SCHIP1: variants seen among roughly 807,000 people sequenced by gnomAD.
SCHIP1 encodes the protein schwannomin-interacting protein 1.
Under a neutral mutation model 29.7 loss-of-function variants are expected in SCHIP1, and 8 were observed. The observed-to-expected ratio is 0.27, with a 90% confidence interval of 0.16 to 0.49. The LOEUF (loss-of-function observed/expected upper bound fraction) is 0.49, where lower values mean the gene tolerates loss of function less well. Ranked by LOEUF, SCHIP1 falls within the 20% of genes least tolerant of loss-of-function variation. SCHIP1 has a pLI of 0.99. For synonymous variants in SCHIP1, 76 were observed against 94.9 expected (o/e 0.80, Z 1.16); for missense variants, 193 against 294.6 (o/e 0.66, Z 2.52).
At chr3:159,424,257 A>T in the SCHIP1 span, among the ~76,000 whole-genome samples, 1 of 152,150 alleles carries the variant, frequency 6.6e-6, no homozygotes, top group East Asian at 1.9e-4. Flanking sequence ...ACAGGAGGAA[A>T]TTCAAACTAA....
the SCHIP1 span, among the ~76,000 whole-genome samples, chr3:159,483,053 G>A: frequency 2.0e-5 from 3 of 152,086 alleles, no homozygotes; most frequent in Non-Finnish European, 4.4e-5. Context: ...GCAGCCTCCC[G>A]ACCAATTAGT....
At chr3:159,697,159 T>G in the SCHIP1 span, among the ~76,000 whole-genome samples, 1 of 152,144 alleles carries the variant, frequency 6.6e-6, no homozygotes, top group Non-Finnish European at 1.5e-5. Flanking sequence ...CTGGACTAGA[T>G]AGTACCAGTA....
chr3:159,736,372 C>T, the SCHIP1 span, among the ~76,000 whole-genome samples: 1 of 152,196 alleles, frequency 6.6e-6, no homozygotes, highest in East Asian at 1.9e-4. Context: ...GCAAGTGTTT[C>T]TGTGTCTGGT....
the SCHIP1 span, among the ~76,000 whole-genome samples, chr3:159,807,871 C>CAGAGGAGGA: frequency 6.6e-6 from 1 of 152,186 alleles, no homozygotes; most frequent in Non-Finnish European, 1.5e-5. Context: ...AAGGCAGGTA[C>CAGAGGAGGA]TACTTCTCTT....
chr3:159,377,903 G>A, the SCHIP1 span, among the ~76,000 whole-genome samples: 19 of 152,278 alleles, frequency 1.2e-4, no homozygotes, highest in African/African-American at 4.3e-4. Flanking sequence ...AGATGGACAT[G>A]TACATCTTCT....
chr3:159,449,052 C>A, the SCHIP1 span, among the ~76,000 whole-genome samples: 2 of 152,198 alleles, frequency 1.3e-5, no homozygotes, highest in African/African-American at 4.8e-5. Context: ...TAGCTGGATA[C>A]CAGAGATGGC....
the SCHIP1 span, among the ~76,000 whole-genome samples, chr3:159,300,048 A>G: frequency 7.7e-6 from 1 of 129,232 alleles, no homozygotes; most frequent in South Asian, 2.5e-4. Flanking sequence ...AGGTACCTCT[A>G]TTTGCCTCCT....
the SCHIP1 span, among the ~76,000 whole-genome samples, chr3:159,586,143 T>C: frequency 2.7e-5 from 4 of 150,544 alleles, no homozygotes; most frequent in African/African-American, 9.8e-5. Flanking sequence ...AAAAAAAAAA[T>C]GTGTAAGGGA....
chr3:159,357,778 G>C, the SCHIP1 span, among the ~76,000 whole-genome samples: 1 of 152,156 alleles, frequency 6.6e-6, no homozygotes, highest in East Asian at 1.9e-4. Context: ...GAAGCACCAG[G>C]TTCTATCCCG....
chr3:159,756,438 T>C, the SCHIP1 span, among the ~76,000 whole-genome samples: 1 of 152,162 alleles, frequency 6.6e-6, no homozygotes, highest in African/African-American at 2.4e-5. Flanking sequence ...GTCTCTAGGC[T>C]GCACAAAGCA....
chr3:159,493,799 A>G, the SCHIP1 span, among the ~76,000 whole-genome samples: 2 of 152,200 alleles, frequency 1.3e-5, no homozygotes, highest in African/African-American at 2.4e-5. Flanking sequence ...GAGAATATAC[A>G]TTCTTCTCAG....
chr3:159,514,198 A>G, the SCHIP1 span, among the ~76,000 whole-genome samples: 1 of 152,130 alleles, frequency 6.6e-6, no homozygotes, highest in African/African-American at 2.4e-5. Context: ...GTCATGGAAA[A>G]CTATGAATGT....
At chr3:159,509,223 T>A in the SCHIP1 span, among the ~76,000 whole-genome samples, 4 of 152,366 alleles carry the variant, frequency 2.6e-5, no homozygotes, top group African/African-American at 9.6e-5. Flanking sequence ...CATTATGTAA[T>A]GGCCTTCTTT....
the SCHIP1 span, among the ~76,000 whole-genome samples, chr3:159,603,523 C>T: frequency 2.0e-5 from 3 of 152,140 alleles, no homozygotes; most frequent in African/African-American, 7.2e-5. Flanking sequence ...CATCAGTGAA[C>T]TCATTAACAT....
exon 1 of SCHIP1, chr3:159,840,075 C>T (rs1351290669): frequency 6.6e-7 from 1 of 1,518,730 alleles, no homozygotes; most frequent in Non-Finnish European, 8.8e-7. Context: ...GCGGGGAGCC[C>T]CTGCCTTACC....
the SCHIP1 span, among the ~76,000 whole-genome samples, chr3:159,680,706 T>C: frequency 1.3e-3 from 16 of 12,418 alleles, no homozygotes; most frequent in Admixed American, 8.4e-3. Context: ...TAATATATAT[T>C]ATATATAATA....
the SCHIP1 span, among the ~76,000 whole-genome samples, chr3:159,634,875 C>T: frequency 6.6e-6 from 1 of 152,076 alleles, no homozygotes; most frequent in African/African-American, 2.4e-5. Flanking sequence ...GGCTTAATAG[C>T]GCCTTCAAAT....
the SCHIP1 span, among the ~76,000 whole-genome samples, chr3:159,694,548 GAAAGAAAGA>G: frequency 2.6e-5 from 1 of 38,442 alleles, no homozygotes; most frequent in African/African-American, 8.6e-5. Flanking sequence ...AAGAAAGAAA[GAAAGAAAGA>G]AAGAAAGAAA....
chr3:159,676,066 G>A, the SCHIP1 span, among the ~76,000 whole-genome samples: 1 of 152,204 alleles, frequency 6.6e-6, no homozygotes, highest in Non-Finnish European at 1.5e-5. Context: ...GGAAGGAAGA[G>A]GTTGCAGTGA....
Sources: allele counts gnomAD v4.1 joint callset (sites outside exome capture counted in the v4.1 genomes callset), GRCh38; gene constraint gnomAD v4.1.1; transcripts MANE v1.5; gene names NCBI Gene and HGNC (gene_info 2026-07-23, HGNC 2026-07-21).